The following KLHL5 variants were observed in gnomAD, a reference collection of about 807,000 sequenced individuals.
KLHL5 encodes kelch like family member 5.
A neutral mutation model predicts 77.7 loss-of-function variants in KLHL5; 48 were observed. The observed-to-expected ratio is 0.62, with a 90% CI of 0.49 to 0.79. The LOEUF (loss-of-function observed/expected upper bound fraction) is 0.79, where lower values mean the gene tolerates loss of function less well. Among genes scored for constraint, KLHL5 ranks in the 30% least tolerant of loss-of-function variants. The probability of loss-of-function intolerance (pLI) is 0.00; values close to 1 mark genes in which losing one functional copy is unlikely to be tolerated. For missense variants in KLHL5, 723 were observed against 859.7 expected, an observed-to-expected ratio of 0.84 and a Z score of 1.99; for synonymous variants, 260 against 297.0, an observed-to-expected ratio of 0.88 and a Z score of 1.28.
At chr4:39,077,858 A>G (rs1472646809) in intron 2 of KLHL5, among the ~76,000 whole-genome samples, 1 of 152,178 alleles carries the variant, frequency 6.6e-6, no homozygotes, top group African/African-American at 2.4e-5. Flanking sequence ...TCAATTGCAA[A>G]ATTATAGAAC....
chr4:39,082,931 GT>G (rs1466401385), intron 4 of KLHL5, among the ~76,000 whole-genome samples: 6 of 152,170 alleles, frequency 3.9e-5, no homozygotes, highest in African/African-American at 1.4e-4. Context: ...CACTGTAGCA[GT>G]TAGTTCTTCA....
At chr4:39,119,818 T>A (rs10027813) in intron 10 of KLHL5, among the ~76,000 whole-genome samples, 79,793 of 151,616 alleles carry the variant, frequency 0.53, 21,496 homozygotes, top group Non-Finnish European at 0.59. Flanking sequence ...AGAGACTAAG[T>A]GTCTTGGATG....
chr4:39,079,865 A>C (rs1054419541), intron 2 of KLHL5, among the ~76,000 whole-genome samples: 2 of 152,346 alleles, frequency 1.3e-5, no homozygotes, highest in East Asian at 1.9e-4. Flanking sequence ...AGTTTTCTGA[A>C]GAAGCAACCA....
chr4:39,107,050 C>CTT (rs768968144), intron 7 of KLHL5, among the ~76,000 whole-genome samples: 94 of 82,618 alleles, frequency 1.1e-3, no homozygotes, highest in African/African-American at 3.2e-3. Context: ...TTTTTTTTTT[C>CTT]TTTTTTTTTT....
downstream of KLHL5, among the ~76,000 whole-genome samples, chr4:39,129,455 G>A (rs573292539): frequency 3.2e-4 from 49 of 152,208 alleles, no homozygotes; most frequent in Non-Finnish European, 5.4e-4. The surrounding 1 kb of genome is among the most constrained non-coding windows in gnomAD (Gnocchi z 4.2). Context: ...TGATCCGCCC[G>A]CCTTGGCCTC....
At chr4:39,068,759 C>T (rs1463047451) in intron 1 of KLHL5, among the ~76,000 whole-genome samples, 1 of 150,454 alleles carries the variant, frequency 6.6e-6, no homozygotes, top group Non-Finnish European at 1.5e-5. Flanking sequence ...CTGTGTTTCA[C>T]TTGGAACTAG....
At chr4:39,053,113 TAACC>T (rs1405495005) in intron 1 of KLHL5, among the ~76,000 whole-genome samples, 17 of 152,336 alleles carry the variant, frequency 1.1e-4, no homozygotes, top group African/African-American at 4.1e-4. Context: ...TTGTAGTGAT[TAACC>T]ATTTCTAATT....
At chr4:39,073,163 G>A (rs1242208068) in intron 1 of KLHL5, among the ~76,000 whole-genome samples, 1 of 152,098 alleles carries the variant, frequency 6.6e-6, no homozygotes, top group Non-Finnish European at 1.5e-5. Flanking sequence ...CAGGGTATGA[G>A]GCCTTGAACA....
At position 39,076,116 on chromosome 4, in the gene KLHL5, G is replaced by A. The variant is rs1719010598; in HGVS notation, c.535G>A (p.Val179Ile). 1 of 1,605,600 alleles carries A rather than the reference G, an allele frequency of 6.2e-7. No individual in the cohort carries two copies. The highest frequency in any genetic ancestry group is 1.3e-5 in the African/African-American group (1 of 74,358). Residue 179 changes from valine to isoleucine, a missense_variant, in exon 2 of 11, where the codon GTC becomes ATC. Val to Ile is a conservative substitution (Grantham distance 29, BLOSUM62 3). This residue lies in a region of KLHL5 where 221 missense variants were observed against 222.1 expected (regional missense o/e 1.00). Coordinates refer to ENST00000504108, the MANE Select transcript of KLHL5 (RefSeq NM_015990.5). ...RHKQLCDVILVAGDRRIPAHR... is the reference protein window; with the variant it reads ...RHKQLCDVILIAGDRRIPAHR... ...TAAACAGTTGTGTGATGTAATTTTAGTCGCTGGTGATCGCAGAATTCCAGC... is the reference window on the plus strand; with the variant it reads ...TAAACAGTTGTGTGATGTAATTTTAATCGCTGGTGATCGCAGAATTCCAGC...
At chr4:39,093,557 G>A (rs1230332501) in intron 5 of KLHL5, 1 of 396,470 alleles carries the variant, frequency 2.5e-6, no homozygotes, top group African/African-American at 2.1e-5. Flanking sequence ...GTATCAAAAG[G>A]ATACACTCTG....
chr4:39,060,915 C>T (rs1355055143), upstream of KLHL5, among the ~76,000 whole-genome samples: 1 of 152,186 alleles, frequency 6.6e-6, no homozygotes, highest in Non-Finnish European at 1.5e-5. Context: ...ATTCATCTAA[C>T]TTTATCTCTT....
intron 1 of KLHL5, among the ~76,000 whole-genome samples, chr4:39,067,338 A>G (rs1717975314): frequency 6.6e-6 from 1 of 152,154 alleles, no homozygotes; most frequent in South Asian, 2.1e-4. Flanking sequence ...TTGGGGAGGA[A>G]TATCACAGAG....
chr4:39,139,650 A>G, the KLHL5 span, among the ~76,000 whole-genome samples: 2 of 152,190 alleles, frequency 1.3e-5, no homozygotes, highest in Non-Finnish European at 2.9e-5. Flanking sequence ...CAGGGGATAT[A>G]TGTGAACTCT....
intron 1 of KLHL5, among the ~76,000 whole-genome samples, chr4:39,045,288 A>T (rs1298510362): frequency 1.3e-5 from 2 of 149,306 alleles, no homozygotes; most frequent in Non-Finnish European, 3.0e-5. Flanking sequence ...GCCTCCGCAC[A>T]CCGCGCCCGG....
rs1202473717 is a variant in KLHL5, at chr4:39,096,844, A to G, written c.1266A>G (p.Thr422=). 10 of 1,613,780 alleles carry G rather than the reference A, an allele frequency of 6.2e-6. No homozygotes were observed. The highest frequency in any genetic ancestry group is 8.5e-6 in the Non-Finnish European group (10 of 1,179,832). The change falls in exon 6 of 11, where the codon ACA becomes ACG. Residue 422 remains threonine (T), a synonymous_variant. Transcript: ENST00000504108. ...AACCTAGGAAGTCAACTGTTGGTAC[A>G]TTATTTGCAGTTGGGGGAATGGATT... ...RTKPRKSTVG[T]LFAVGGMDST... is the part of the protein sequence containing the mutation.
intron 6 of KLHL5, among the ~76,000 whole-genome samples, chr4:39,097,570 A>G (rs894779057): frequency 1.3e-5 from 2 of 152,038 alleles, no homozygotes; most frequent in South Asian, 2.1e-4. Flanking sequence ...TGCCAGGAGC[A>G]TATAACCTGA....
rs1380990978 is a variant in KLHL5, at chr4:39,086,634, A to T, written c.1020A>T (p.Ala340=). ...NIPNEETILN[A]LLTWVRHDLE... is the part of the protein sequence containing the mutation. ...CTAATGAGGAGACAATATTGAATGC[A>T]CTTCTTACTTGGGTCCGTCATGATT... Residue 340 remains alanine, a synonymous_variant, in exon 5 of 11, where the codon GCA becomes GCT. Coordinates refer to ENST00000504108, the MANE Select transcript of KLHL5 (RefSeq NM_015990.5). 6.2e-7 allele frequency: 1 copy of T among 1,613,900 alleles called. No individual in the cohort carries two copies. Among genetic ancestry groups the T allele is most frequent in the East Asian group, 2.2e-5 (1 of 44,858 alleles).
intron 1 of KLHL5, among the ~76,000 whole-genome samples, chr4:39,069,048 G>A (rs982405925): frequency 6.6e-6 from 1 of 152,146 alleles, no homozygotes; most frequent in Non-Finnish European, 1.5e-5. Context: ...AGAGACCCAG[G>A]TTCCTGTTAT....
At chr4:39,049,734 A>G (rs930209163) in intron 1 of KLHL5, among the ~76,000 whole-genome samples, 6 of 151,650 alleles carry the variant, frequency 4.0e-5, no homozygotes, top group Non-Finnish European at 7.4e-5. Context: ...ATAAATAAAT[A>G]AATGAAAGTG....
Sources: gnomAD v4.1 joint callset for allele counts (sites outside exome capture counted in the v4.1 genomes callset) on GRCh38, gnomAD v4.1.1 for gene constraint, gnomAD v4.1.1 regional missense constraint, Gnocchi (gnomAD v3.1) non-coding constraint, MANE v1.5 for transcripts, NCBI Gene and HGNC (gene_info 2026-07-23, HGNC 2026-07-21) for gene names.